Variants in KALRN observed in about 807,000 individuals in gnomAD.
KALRN encodes the protein kalirin RhoGEF kinase, also known as kalirin.
In KALRN, 70 loss-of-function variants were observed where a neutral mutation model predicts 353.7. The ratio of observed to expected loss-of-function variants is 0.20; its 90% CI spans 0.16 to 0.24. KALRN has a LOEUF of 0.24. Ranked by LOEUF, KALRN falls within the 10% of genes least tolerant of loss-of-function variation. KALRN has a pLI of 1.00. For missense variants in KALRN, 2,791 were observed against 3,756.7 expected (o/e 0.74, Z 6.72); for synonymous variants, 1,391 against 1,434.8 (o/e 0.97, Z 0.69).
At chr3:124,699,300 C>T (rs1348424022) in intron 55 of KALRN, among the ~76,000 whole-genome samples, 1 of 152,122 alleles carries the variant, frequency 6.6e-6, no homozygotes, top group Admixed American at 6.5e-5. Context: ...GCAAATTGTT[C>T]AATATTTCTG....
intron 17 of KALRN, among the ~76,000 whole-genome samples, chr3:124,437,918 A>G (rs1381132936): frequency 6.6e-6 from 1 of 152,072 alleles, no homozygotes; most frequent in African/African-American, 2.4e-5. Context: ...TGTAATTTAA[A>G]TCATCTCTGG....
chr3:124,399,006 C>G, intron 13 of KALRN, 135 bp downstream of exon 13: 2 of 830,670 alleles, frequency 2.4e-6, no homozygotes, highest in Non-Finnish European at 3.6e-6. Flanking sequence ...CAAGAAATTC[C>G]CAGTCCACCA....
chr3:124,612,976 T>C (rs1330986018), intron 34 of KALRN, among the ~76,000 whole-genome samples: 2 of 152,342 alleles, frequency 1.3e-5, no homozygotes, highest in East Asian at 3.9e-4. Flanking sequence ...GGCATTCTTA[T>C]GGAAATAGTC....
At position 124,045,154 on chromosome 3, in the gene KALRN, A is replaced by G. The variant is rs867593803; in HGVS notation, c.73+11341A>G. On this transcript the variant is annotated intron_variant, in intron 1 of 59. Transcript: ENST00000682506. ...AGAAGGGGACCCGGGAGACTGGCAG[A>G]TGGTTAATTGGATGTGACAAAAAAG... is the stretch of plus-strand genomic sequence containing the variant. Among the ~76,000 whole-genome samples the G allele has an allele frequency of 3.3e-5, 5 of 152,152 alleles. No individual in the cohort carries two copies. In the Middle Eastern group the frequency reaches 0.01, roughly 311 times the overall value.
chr3:124,211,278 A>G (rs535104743), intron 1 of KALRN, among the ~76,000 whole-genome samples: 1 of 152,368 alleles, frequency 6.6e-6, no homozygotes, highest in East Asian at 1.9e-4. Context: ...ACTAAGGAAT[A>G]GTGATGCTAA....
intron 34 of KALRN, among the ~76,000 whole-genome samples, chr3:124,628,168 C>T (rs1339334258): frequency 1.9e-5 from 1 of 52,850 alleles, no homozygotes; most frequent in Non-Finnish European, 3.4e-5. Context: ...TCCCTTCCTT[C>T]CTTCCCTCCC....
rs78944687 is a variant in KALRN, at chr3:124,462,707, A to G, written c.4031+74A>G. 9.7e-4 allele frequency: 781 copies of G among 806,146 alleles called. 4 individuals carry two copies. The African/African-American group carries it at 0.012, about 13-fold the overall frequency. 49.9% of individuals were successfully genotyped at this position (806,146 alleles called of 1,614,324 possible). A position where few individuals can be genotyped will look rare whatever the true frequency, so the allele number is the denominator to read the frequency against. On this transcript the variant is annotated intron_variant, in intron 25 of 59. Transcript: ENST00000682506. ...AGACAACAGGGTTCCCAAGAAGTGG[A>G]TCAAAGGCGATTGGTGAATCTTATC... is the stretch of plus-strand genomic sequence containing the variant.
intron 33 of KALRN, among the ~76,000 whole-genome samples, chr3:124,521,536 C>G (rs983022831): frequency 6.6e-6 from 1 of 152,218 alleles, no homozygotes; most frequent in East Asian, 1.9e-4. Flanking sequence ...ATGTCACACT[C>G]TGGTCTGCTG....
intron 11 of KALRN, among the ~76,000 whole-genome samples, chr3:124,393,599 C>A (rs1267685960): frequency 6.6e-6 from 1 of 151,938 alleles, no homozygotes; most frequent in East Asian, 2.0e-4. Flanking sequence ...TTTGCATTCC[C>A]TATAGCAATC....
At chr3:124,371,851 T>C (rs1456459004) in intron 10 of KALRN, among the ~76,000 whole-genome samples, 5 of 152,228 alleles carry the variant, frequency 3.3e-5, no homozygotes, top group Non-Finnish European at 7.3e-5. Context: ...TTACTGACTA[T>C]AGTCATCCTA....
chr3:124,496,536 T>C, intron 33 of KALRN, 123 bp downstream of exon 33: 1 of 711,052 alleles, frequency 1.4e-6, no homozygotes, highest in South Asian at 1.7e-5. Flanking sequence ...GTTGTCTCTT[T>C]GTGCCAGCCA....
intron 13 of KALRN, among the ~76,000 whole-genome samples, chr3:124,409,975 T>C (rs1458258834): frequency 1.3e-5 from 2 of 152,108 alleles, no homozygotes; most frequent in Non-Finnish European, 1.5e-5. Flanking sequence ...GAGGAGGCCC[T>C]GGAAATTCCC....
intron 5 of KALRN, among the ~76,000 whole-genome samples, chr3:124,273,400 C>A (rs13100913): frequency 0.19 from 29,376 of 152,200 alleles, 2,914 homozygotes; most frequent in South Asian, 0.29. Flanking sequence ...GAGCAGCTCA[C>A]CATCTAATTA....
intron 9 of KALRN, among the ~76,000 whole-genome samples, chr3:124,342,203 A>T (rs958181435): frequency 6.7e-6 from 1 of 148,486 alleles, no homozygotes; most frequent in Non-Finnish European, 1.5e-5. Flanking sequence ...GAGTCCAAGT[A>T]TAATTTTGTT....
intron 1 of KALRN, among the ~76,000 whole-genome samples, chr3:124,145,244 C>T (rs552086488): frequency 6.6e-6 from 1 of 152,178 alleles, no homozygotes; most frequent in South Asian, 2.1e-4. Flanking sequence ...CCTCATTCAT[C>T]TACTCAACAA....
chr3:124,248,258 C>T (rs929011084), intron 3 of KALRN, among the ~76,000 whole-genome samples: 1 of 152,218 alleles, frequency 6.6e-6, no homozygotes, highest in African/African-American at 2.4e-5. Flanking sequence ...GGCTTCACCC[C>T]CCCCATACTC....
intron 1 of KALRN, among the ~76,000 whole-genome samples, chr3:124,077,108 C>T (rs180816916): frequency 1.4e-4 from 21 of 152,326 alleles, no homozygotes; most frequent in Non-Finnish European, 2.8e-4. Flanking sequence ...CTACCTGTGG[C>T]CTCTAACTCC....
intron 21 of KALRN, among the ~76,000 whole-genome samples, 192 bp downstream of exon 21, chr3:124,447,077 G>C (rs913112663): frequency 2.6e-5 from 4 of 152,196 alleles, no homozygotes; most frequent in Non-Finnish European, 5.9e-5. Context: ...CAGCTGCTGG[G>C]TAGAGCAGCT....
intron 3 of KALRN, among the ~76,000 whole-genome samples, chr3:124,242,183 C>A (rs1023655352): frequency 2.0e-5 from 3 of 152,142 alleles, no homozygotes; most frequent in African/African-American, 7.2e-5. Flanking sequence ...GAAGGCTAGG[C>A]AATGGGGAAA....
Sources: allele counts gnomAD v4.1 joint callset (sites outside exome capture counted in the v4.1 genomes callset), GRCh38; gene constraint gnomAD v4.1.1; transcripts MANE v1.5; gene names NCBI Gene and HGNC (gene_info 2026-07-23, HGNC 2026-07-21).